C1orf116: variants seen among roughly 807,000 people sequenced by gnomAD.
The protein encoded by C1orf116 is chromosome 1 open reading frame 116, also known as specifically androgen-regulated gene protein.
Under a neutral mutation model 14.1 loss-of-function variants are expected in C1orf116, and 12 were observed. That is an observed-to-expected ratio of 0.85 (90% CI 0.54 to 1.38). The LOEUF is 1.38. C1orf116 is among the 40% of genes most tolerant of loss of function. The pLI is 0.00. For synonymous variants in C1orf116, 296 were observed against 299.0 expected, an observed-to-expected ratio of 0.99 and a Z score of 0.10; for missense variants, 797 against 747.0, an observed-to-expected ratio of 1.07 and a Z score of -0.78.
Position 207,027,641 on chromosome 1 carries a change from G to A in C1orf116, c.-43C>T. On this transcript the variant is annotated 5_prime_UTR_variant, in exon 2 of 4. Transcript: ENST00000359470. Reference sequence around the variant, plus strand: ...AGGGATGGCAAAGGGGGCTTCTAGAGGGGAAGCGAGGGGAAGTGAACAATG... The same window carrying A: ...AGGGATGGCAAAGGGGGCTTCTAGAAGGGAAGCGAGGGGAAGTGAACAATG... The A allele has an allele frequency of 1.2e-6, 2 of 1,600,812 alleles. No individual in the cohort carries two copies. The highest frequency in any genetic ancestry group is 1.7e-6 in the Non-Finnish European group (2 of 1,177,400).
intron 1 of C1orf116, 84 bp downstream of exon 1, chr1:207,032,495 T>C: frequency 1.1e-6 from 1 of 909,464 alleles, no homozygotes; most frequent in African/African-American, 1.8e-5. Flanking sequence ...GAGGGACACC[T>C]CCCCTCCCCT....
At chr1:207,024,752 T>C in intron 3 of C1orf116, 135 bp downstream of exon 3, 3 of 1,070,726 alleles carry the variant, frequency 2.8e-6, no homozygotes, top group Non-Finnish European at 2.7e-6. Context: ...GCCAGGAGAG[T>C]GGTGAGGAGT....
intron 3 of C1orf116, among the ~76,000 whole-genome samples, chr1:207,024,053 C>T (rs1681978931): frequency 6.6e-6 from 1 of 152,192 alleles, no homozygotes; most frequent in Admixed American, 6.5e-5. Flanking sequence ...AGGCTTCTGC[C>T]TTCTACTTGC....
At chr1:207,029,205 G>C (rs1311132146) in intron 1 of C1orf116, among the ~76,000 whole-genome samples, 4 of 151,912 alleles carry the variant, frequency 2.6e-5, no homozygotes, top group Admixed American at 2.6e-4. Flanking sequence ...AGAACACTGG[G>C]GGGAAAACAG....
chr1:207,032,655 C>T lies in C1orf116; in HGVS notation c.-158G>A. The T allele has an allele frequency of 1.0e-6, 1 of 985,490 alleles. No individual in the cohort carries two copies. Among genetic ancestry groups the T allele is most frequent in the Non-Finnish European group, 1.2e-6 (1 of 829,980 alleles). The allele number at this position is 985,490 out of a possible 1,614,324, so 61.0% of individuals were successfully genotyped here. A position where few individuals can be genotyped will look rare whatever the true frequency, so the allele number is the denominator to read the frequency against. On this transcript the variant is annotated 5_prime_UTR_variant, in exon 1 of 4. Coordinates refer to ENST00000359470, the MANE Select transcript of C1orf116 (RefSeq NM_023938.6). The stretch of plus-strand genomic sequence containing the variant: ...AGGGCAGAGATGGAGACAGAGGCTG[C>T]TTCCCCTGCCTCCTACTGTTTTCTT...
Position 207,022,543 on chromosome 1 carries a change from C to T in C1orf116, c.1221G>A (p.Gly407=), listed in dbSNP as rs1252928840. The change falls in exon 4 of 4, where the codon GGG becomes GGA. Residue 407 remains glycine (G), a synonymous_variant. Coordinates refer to ENST00000359470, the MANE Select transcript of C1orf116 (RefSeq NM_023938.6). Reference sequence around the variant, plus strand: ...GAGCCGGAGCTTGAGCCAGAGCCTTCCCAGCAGCAGGAATAGCTGCTGAGG... The same window carrying T: ...GAGCCGGAGCTTGAGCCAGAGCCTTTCCAGCAGCAGGAATAGCTGCTGAGG... ...AQASAAIPAA[G]KALAQAPAPA... is the part of the protein sequence containing the mutation. 2 of 1,613,996 alleles carry T rather than the reference C, an allele frequency of 1.2e-6. No homozygotes were observed. Among genetic ancestry groups the T allele is most frequent in the Non-Finnish European group, 1.7e-6 (2 of 1,179,988 alleles).
chr1:207,022,782 C>T lies in C1orf116; in HGVS notation c.982G>A (p.Ala328Thr). The T allele has an allele frequency of 6.2e-7, 1 of 1,614,170 alleles. No individual in the cohort carries two copies. Among genetic ancestry groups the T allele is most frequent in the Non-Finnish European group, 8.5e-7 (1 of 1,180,020 alleles). ...ATCAGGCCAGAATCTCCAGGGGCAG[C>T]CTCAGTGTGGCGGGACAGCCAGTGC... ...PQHWLSRHTE[A>T]APGDSGLISC... The change falls in exon 4 of 4, where the codon GCT (alanine) becomes ACT (threonine). Residue 328 changes from alanine to threonine, a missense_variant. Physicochemically the swap from Ala to Thr is moderately conservative, Grantham distance 58 (BLOSUM62 0). Coordinates refer to ENST00000359470, the MANE Select transcript of C1orf116 (RefSeq NM_023938.6).
intron 2 of C1orf116, among the ~76,000 whole-genome samples, chr1:207,025,841 G>A (rs1363893298): frequency 6.6e-6 from 1 of 152,206 alleles, no homozygotes; most frequent in Non-Finnish European, 1.5e-5. Context: ...TGGGAGGAGG[G>A]AAAAGCAGCT....
rs1681861664 is a variant in C1orf116, at chr1:207,021,855, C to G, written c.*103G>C. The G allele has an allele frequency of 2.6e-6, 3 of 1,170,848 alleles. No individual in the cohort carries two copies. In the South Asian group the frequency reaches 5.7e-5, roughly 22 times the overall value. The allele number at this position is 1,170,848 out of a possible 1,614,324, so 72.5% of individuals were successfully genotyped here. The stretch of plus-strand genomic sequence containing the variant: ...TATGCTTGGACTCAAATCTCTCCCT[C>G]CCATTCATCTTGAGCCCTGAGTTGC... On this transcript the variant is annotated 3_prime_UTR_variant, in exon 4 of 4. Transcript: ENST00000359470.
In C1orf116 at chr1:207,020,632, T is replaced by C. The variant is rs553355700; in HGVS notation, c.*1326A>G. On this transcript the variant is annotated 3_prime_UTR_variant, in exon 4 of 4. Transcript: ENST00000359470. ...GAATTTGAGGGGAGAGGTGTTCTGG[T>C]TAATGATGAGTTACCATATAGCTAT... 1 of 152,290 alleles carries C rather than the reference T, an allele frequency of 6.6e-6. No homozygotes were observed. The highest frequency in any genetic ancestry group is 1.5e-5 in the Non-Finnish European group (1 of 68,026). 9.4% of individuals were successfully genotyped at this position (152,290 alleles called of 1,614,324 possible).
At position 207,027,545 on chromosome 1, in the gene C1orf116, A is replaced by T; in HGVS notation, c.54T>A (p.Arg18=). The T allele has an allele frequency of 1.9e-6, 3 of 1,613,822 alleles. No homozygotes were observed. The highest frequency in any genetic ancestry group is 2.5e-6 in the Non-Finnish European group (3 of 1,180,044). Residue 18 remains arginine, a synonymous_variant, in exon 2 of 4, where the codon CGT becomes CGA. Transcript: ENST00000359470. ...TCATCATGCTGTCACAGCTGCCGAC[A>T]CGGGTCACGGGTTCTGAGCCAGTCC... The part of the protein sequence containing the change: ...PAGTGSEPVT[R]VGSCDSMMSS...
chr1:207,028,530 T>A (rs1358780366), intron 1 of C1orf116, among the ~76,000 whole-genome samples: 1 of 152,252 alleles, frequency 6.6e-6, no homozygotes, highest in Non-Finnish European at 1.5e-5. Context: ...TTCTAGTGAA[T>A]CTCTTTCTTT....
At position 207,023,223 on chromosome 1, in the gene C1orf116, G is replaced by A; in HGVS notation, c.541C>T (p.Gln181Ter). The change falls in exon 4 of 4, where the codon CAG becomes TAG. Residue 181 changes from glutamine to a stop codon, truncating the protein, a stop_gained. Transcript: ENST00000359470. LOFTEE classifies it low-confidence loss of function (END_TRUNC). ...EQVSQSSQPR[Q>*]APASPQEAAL... The stretch of plus-strand genomic sequence containing the variant: ...GCCTCCTGGGGGCTGGCAGGTGCCT[G>A]CCTGGGTTGGCTGCTCTGGCTGACC... The A allele has an allele frequency of 6.2e-7, 1 of 1,610,700 alleles. No individual in the cohort carries two copies.
Position 207,031,286 on chromosome 1 carries a change from C to T in C1orf116, c.-82+1293G>A, listed in dbSNP as rs80272843. On this transcript the variant is annotated intron_variant, in intron 1 of 3. Transcript: ENST00000359470. ...TGTGTTTAGGCAACATTATCATCTT[C>T]CCTTTCACCAGTGTGTTTGAGGGAA... Among the ~76,000 whole-genome samples the T allele has an allele frequency of 1.6e-3, 239 of 152,360 alleles. 2 individuals carry two copies. The highest frequency in any genetic ancestry group is 5.6e-3 in the African/African-American group (234 of 41,586).
Position 207,022,323 on chromosome 1 carries a change from ACTTGAAG to A in C1orf116, c.1434_1440del (p.Phe479ProfsTer11), listed in dbSNP as rs1445598136. On this transcript the variant is annotated frameshift_variant, in exon 4 of 4. Coordinates refer to ENST00000359470, the MANE Select transcript of C1orf116 (RefSeq NM_023938.6). LOFTEE classifies it high-confidence loss of function. Reference sequence around the variant, plus strand: ...ACGCCTGAGCGCTCCAGAGTGTTGGACTTGAAGTTCATCTGTCTCAGGCCAGGGGTGT... The same window carrying A: ...ACGCCTGAGCGCTCCAGAGTGTTGGATTCATCTGTCTCAGGCCAGGGGTGT... The A allele has an allele frequency of 1.9e-6, 3 of 1,613,640 alleles. No homozygotes were observed. In the African/African-American group the frequency reaches 4.0e-5, roughly 22 times the overall value.
chr1:207,022,051 G>T lies in C1orf116; in HGVS notation c.1713C>A (p.Arg571=). ...YQGQSRDKLP[R]PPCVSVKISP... ...AGATCTTGACACTGACACAGGGGGG[G>T]CGAGGAAGCTTGTCACGGCTCTGTC... The change falls in exon 4 of 4, where the codon CGC becomes CGA. Residue 571 remains arginine (R), a synonymous_variant. Coordinates refer to ENST00000359470, the MANE Select transcript of C1orf116 (RefSeq NM_023938.6). 2.5e-6 allele frequency: 4 copies of T among 1,604,452 alleles called. No homozygotes were observed. The highest frequency in any genetic ancestry group is 3.4e-6 in the Non-Finnish European group (4 of 1,175,564).
rs1449214782 is a variant in C1orf116 at position 207,025,107 on chromosome 1, G to A, written c.106-43C>T. ...GGGGGCGGGGGCGGGGAGGCGGGGG[G>A]GAGGGCGAGAAGAAGAACAGGAGAG... On this transcript the variant is annotated intron_variant, in intron 2 of 3. Transcript: ENST00000359470. The A allele has an allele frequency of 9.1e-6, 6 of 658,822 alleles. No homozygotes were observed. In the African/African-American group the frequency reaches 9.2e-5, roughly 10 times the overall value. The allele number at this position is 658,822 out of a possible 1,614,324, so 40.8% of individuals were successfully genotyped here. A position where few individuals can be genotyped will look rare whatever the true frequency, so the allele number is the denominator to read the frequency against.
In C1orf116 at chr1:207,020,948, T is replaced by A. The variant is rs1242290488; in HGVS notation, c.*1010A>T. 1 of 152,192 alleles carries A rather than the reference T, an allele frequency of 6.6e-6. No homozygotes were observed. The highest frequency in any genetic ancestry group is 6.5e-5 in the Admixed American group (1 of 15,288). 9.4% of individuals were successfully genotyped at this position (152,192 alleles called of 1,614,324 possible). On this transcript the variant is annotated 3_prime_UTR_variant, in exon 4 of 4. Coordinates refer to ENST00000359470, the MANE Select transcript of C1orf116 (RefSeq NM_023938.6). ...TGCGTCAGAGCTTCTCTGAGGCCCC[T>A]CTTACCTCTGATATTCTATTAAGAC...
rs1572692941 is a variant in C1orf116 at position 207,022,489 on chromosome 1, C to T, written c.1275G>A (p.Leu425=). The change falls in exon 4 of 4, where the codon TTG becomes TTA. Residue 425 remains leucine (L), a synonymous_variant. Coordinates refer to ENST00000359470, the MANE Select transcript of C1orf116 (RefSeq NM_023938.6). ...TGCCTGGAGCTGGAGACTTCATTGG[C>T]AAAGGTCCCTGAGCTGGACCTGGAG... is the stretch of plus-strand genomic sequence containing the variant. The part of the protein sequence containing the change: ...APAPGPAQGP[L]PMKSPAPGNV... The T allele has an allele frequency of 6.2e-7, 1 of 1,614,140 alleles. No homozygotes were observed. Among genetic ancestry groups the T allele is most frequent in the Non-Finnish European group, 8.5e-7 (1 of 1,180,008 alleles).
Sources: allele counts gnomAD v4.1 joint callset (sites outside exome capture counted in the v4.1 genomes callset), GRCh38; gene constraint gnomAD v4.1.1; transcripts MANE v1.5; gene names NCBI Gene and HGNC (gene_info 2026-07-23, HGNC 2026-07-21).